The following TBX19 variants were observed in gnomAD, a reference collection of about 807,000 sequenced individuals.
The protein encoded by TBX19 is T-box transcription factor 19.
Under a neutral mutation model 40.9 loss-of-function variants are expected in TBX19, and 33 were observed. The observed-to-expected ratio is 0.81, with a 90% confidence interval of 0.61 to 1.08. TBX19 has a LOEUF of 1.08. TBX19 is among the 50% of genes least tolerant of loss of function. The pLI is 0.00. For missense variants in TBX19, 494 were observed against 574.0 expected, an observed-to-expected ratio of 0.86 and a Z score of 1.42; for synonymous variants, 220 against 225.0, an observed-to-expected ratio of 0.98 and a Z score of 0.20.
intron 1 of TBX19, 111 bp from the exon 2 acceptor site, chr1:168,291,049 G>A: frequency 7.0e-7 from 1 of 1,423,596 alleles, no homozygotes. Context: ...CTGTTTATTT[G>A]GCCTCCTCAC....
chr1:168,310,692 T>G (rs1173364956), intron 7 of TBX19, among the ~76,000 whole-genome samples: 1 of 147,144 alleles, frequency 6.8e-6, no homozygotes, highest in Non-Finnish European at 1.5e-5. Context: ...ATAAAATATA[T>G]ATACCACTAT....
chr1:168,307,186 G>A (rs1649422904), intron 6 of TBX19, among the ~76,000 whole-genome samples: 3 of 152,142 alleles, frequency 2.0e-5, no homozygotes, highest in Admixed American at 6.5e-5. Context: ...GTGCCAGATC[G>A]TAAAAAGAAG....
chr1:168,308,960 T>G (rs747418944), intron 7 of TBX19, 83 bp downstream of exon 7: 262 of 1,598,144 alleles, frequency 1.6e-4, no homozygotes, highest in Non-Finnish European at 2.2e-4. Context: ...TTCTTTTTCC[T>G]AGGGTGGCTT....
intron 1 of TBX19, among the ~76,000 whole-genome samples, chr1:168,285,214 TG>T (rs1396887919): frequency 6.6e-6 from 1 of 151,988 alleles, no homozygotes; most frequent in East Asian, 1.9e-4. Flanking sequence ...GCTATTCTTA[TG>T]CCTGCTCACC....
chr1:168,300,421 G>A lies in TBX19; in HGVS notation c.666-1G>A. On this transcript the variant is annotated splice_acceptor_variant, in intron 4 of 7. Coordinates refer to ENST00000367821, the MANE Select transcript of TBX19 (RefSeq NM_005149.3). LOFTEE classifies it high-confidence loss of function. The stretch of plus-strand genomic sequence containing the variant: ...ATGGTGCATTTTCTTTACTCTTTCA[G>A]AAATCACCTAAGAGACGTACCGGAG... The A allele has an allele frequency of 6.2e-7, 1 of 1,614,056 alleles. No individual in the cohort carries two copies. Among genetic ancestry groups the A allele is most frequent in the Non-Finnish European group, 8.5e-7 (1 of 1,179,990 alleles).
chr1:168,294,796 C>T (rs931339630), intron 3 of TBX19, among the ~76,000 whole-genome samples: 3 of 152,112 alleles, frequency 2.0e-5, no homozygotes, highest in African/African-American at 7.2e-5. Flanking sequence ...ACCACCGTGC[C>T]CGGCCCTTTA....
rs112242022 is a variant in TBX19, at chr1:168,303,589, A to C, written c.728-1419A>C. 6.2e-3 allele frequency among the ~76,000 whole-genome samples: 940 copies of C among 152,332 alleles called. 9 individuals are homozygous for C. Among genetic ancestry groups the C allele is most frequent in the African/African-American group, 0.021 (875 of 41,574 alleles). ...CAAGTCCACAGAGTAAAGTGAAAGC[A>C]AGTTTATTTAGAAAGTAAAGGAATA... On this transcript the variant is annotated intron_variant, in intron 5 of 7. Transcript: ENST00000367821.
chr1:168,308,832 T>TAC lies in TBX19; in HGVS notation c.1007_1008insAC (p.Leu337ProfsTer53). 1 of 1,614,126 alleles carries TAC rather than the reference T, an allele frequency of 6.2e-7. No individual in the cohort carries two copies. The highest frequency in any genetic ancestry group is 1.3e-5 in the African/African-American group (1 of 75,022). ...TTATCCTCCACACCCCATGCCAGCA[T>TAC]CCTGTCTGTACCCCACACCAACGGA... On this transcript the variant is annotated frameshift_variant, in exon 7 of 8. Coordinates refer to ENST00000367821, the MANE Select transcript of TBX19 (RefSeq NM_005149.3). LOFTEE classifies it high-confidence loss of function.
intron 4 of TBX19, 45 bp from the exon 5 acceptor site, chr1:168,300,377 C>T (rs749713914): frequency 1.1e-5 from 18 of 1,581,652 alleles, no homozygotes; most frequent in South Asian, 2.2e-5. Flanking sequence ...AGTGGACATA[C>T]ATAAAAAGTT....
intron 1 of TBX19, among the ~76,000 whole-genome samples, chr1:168,289,956 G>A (rs1244656398): frequency 2.6e-5 from 4 of 152,180 alleles, no homozygotes; most frequent in Non-Finnish European, 5.9e-5. Context: ...CACTTTGGGA[G>A]TCTGAGGCAG....
At chr1:168,293,394 C>CAGGATTTGG in intron 3 of TBX19, 116 bp downstream of exon 3, 1 of 1,347,172 alleles carries the variant, frequency 7.4e-7, no homozygotes. Flanking sequence ...GTAGGTTTTC[C>CAGGATTTGG]AGGATTTGGA....
At chr1:168,305,237 G>C in intron 6 of TBX19, 41 bp downstream of exon 6, 1 of 1,597,572 alleles carries the variant, frequency 6.3e-7, no homozygotes, top group Non-Finnish European at 8.5e-7. Context: ...GTATGGGCTG[G>C]GGTGGGGGCA....
At position 168,313,922 on chromosome 1, in the gene TBX19, A is replaced by G. The variant is rs1465079300; in HGVS notation, c.*920A>G. 1 of 47,072 alleles carries G rather than the reference A, an allele frequency of 2.1e-5. No homozygotes were observed. Among genetic ancestry groups the G allele is most frequent in the Non-Finnish European group, 4.2e-5 (1 of 23,952 alleles). 2.9% of individuals were successfully genotyped at this position (47,072 alleles called of 1,614,324 possible). A position where few individuals can be genotyped will look rare whatever the true frequency, so the allele number is the denominator to read the frequency against. On this transcript the variant is annotated 3_prime_UTR_variant, in exon 8 of 8. Transcript: ENST00000367821. ...CAAGGCTTTGTTTCATTTGAAAAAA[A>G]AGAAAGAAAGAAAGAAAGAAAGAAA...
chr1:168,312,708 C>T lies in TBX19; in HGVS notation c.1053C>T (p.Ser351=). ...HTNGPINPGP[S]PYPCLWTISN... is the part of the protein sequence containing the mutation. ...TTCCCCTCTTTCTCTGTCTCTGCAGCCCCTACCCGTGCCTGTGGACCATCA... is the reference window on the plus strand; with the variant it reads ...TTCCCCTCTTTCTCTGTCTCTGCAGTCCCTACCCGTGCCTGTGGACCATCA... Residue 351 remains serine (S), a splice_region_variant and synonymous_variant, in exon 8 of 8, where the codon AGC becomes AGT. Coordinates refer to ENST00000367821, the MANE Select transcript of TBX19 (RefSeq NM_005149.3). 6.2e-7 allele frequency: 1 copy of T among 1,611,764 alleles called. No homozygotes were observed. Among genetic ancestry groups the T allele is most frequent in the Non-Finnish European group, 8.5e-7 (1 of 1,180,020 alleles).
intron 3 of TBX19, among the ~76,000 whole-genome samples, chr1:168,295,977 A>G (rs1372948510): frequency 1.3e-5 from 2 of 152,120 alleles, no homozygotes; most frequent in African/African-American, 2.4e-5. Flanking sequence ...CCATCCAGCA[A>G]TCTCCCGGCC....
rs547207072 is a variant in TBX19 at position 168,293,379 on chromosome 1, G to A, written c.603+101G>A. On this transcript the variant is annotated intron_variant, in intron 3 of 7. Transcript: ENST00000367821. ...ATGGGCGGGGGGGGTCCTTTTAGATGAAAGGTAGGTTTTCCAGGATTTGGA... is the reference window on the plus strand; with the variant it reads ...ATGGGCGGGGGGGGTCCTTTTAGATAAAAGGTAGGTTTTCCAGGATTTGGA... The A allele has an allele frequency of 1.5e-5, 22 of 1,433,612 alleles. No individual in the cohort carries two copies. In the Admixed American group the frequency reaches 3.8e-4, roughly 25 times the overall value. The allele number at this position is 1,433,612 out of a possible 1,614,324, so 88.8% of individuals were successfully genotyped here.
chr1:168,291,093 G>A (rs1370956679), intron 1 of TBX19, 67 bp from the exon 2 acceptor site: 5 of 1,608,764 alleles, frequency 3.1e-6, no homozygotes, highest in Non-Finnish European at 4.2e-6. Flanking sequence ...GTATTGAGAG[G>A]CCCCTGGACA....
intron 6 of TBX19, among the ~76,000 whole-genome samples, chr1:168,306,682 A>G (rs1321399712): frequency 6.6e-6 from 1 of 150,442 alleles, no homozygotes; most frequent in Non-Finnish European, 1.5e-5. Context: ...GCTCGGGGTT[A>G]CACAAATACG....
intron 1 of TBX19, 55 bp from the exon 2 acceptor site, chr1:168,291,102 CAAG>C: frequency 1.2e-6 from 2 of 1,612,062 alleles, no homozygotes; most frequent in Non-Finnish European, 1.7e-6. Flanking sequence ...GGCCCCTGGA[CAAG>C]GTGAGAGTTC....
Sources: gnomAD v4.1 joint callset for allele counts (sites outside exome capture counted in the v4.1 genomes callset) on GRCh38, gnomAD v4.1.1 for gene constraint, MANE v1.5 for transcripts, NCBI Gene and HGNC (gene_info 2026-07-23, HGNC 2026-07-21) for gene names.